TMEM135: variants seen among roughly 807,000 people sequenced by gnomAD.
TMEM135 encodes the protein transmembrane protein 135.
Under a neutral mutation model 60.3 loss-of-function variants are expected in TMEM135, and 30 were observed. That is an observed-to-expected ratio of 0.50 (90% CI 0.37 to 0.68). The LOEUF is 0.68. TMEM135 is among the 30% of genes least tolerant of loss of function. The pLI, the probability that TMEM135 is intolerant of heterozygous loss-of-function variation, is 0.00. For synonymous variants in TMEM135, 190 were observed against 186.7 expected, an observed-to-expected ratio of 1.02 and a Z score of -0.14; for missense variants, 468 against 548.8, an observed-to-expected ratio of 0.85 and a Z score of 1.47.
intron 5 of TMEM135, among the ~76,000 whole-genome samples, chr11:87,193,972 T>G (rs1939876042): frequency 6.6e-6 from 1 of 152,056 alleles, no homozygotes; most frequent in Admixed American, 6.6e-5. Flanking sequence ...TTATCTTTGC[T>G]TTTTTCACTT....
chr11:87,307,605 A>G (rs1942574284), intron 9 of TMEM135, among the ~76,000 whole-genome samples: 1 of 152,126 alleles, frequency 6.6e-6, no homozygotes, highest in African/African-American at 2.4e-5. Context: ...GCAATAAAAA[A>G]CTAGTGATTC....
intron 3 of TMEM135, among the ~76,000 whole-genome samples, chr11:87,076,518 G>GTTGCT (rs926339889): frequency 1.3e-5 from 2 of 152,228 alleles, no homozygotes; most frequent in African/African-American, 4.8e-5. Context: ...GAGCCTGCTT[G>GTTGCT]TTGCTTTACC....
At chr11:87,179,907 T>C (rs554206809) in intron 5 of TMEM135, among the ~76,000 whole-genome samples, 2 of 152,140 alleles carry the variant, frequency 1.3e-5, no homozygotes, top group South Asian at 4.1e-4. Context: ...CCTGGAGATA[T>C]GACTGATACT....
chr11:87,129,538 T>C (rs1213644279), intron 4 of TMEM135, among the ~76,000 whole-genome samples: 3 of 107,702 alleles, frequency 2.8e-5, no homozygotes, highest in African/African-American at 4.0e-5. Flanking sequence ...CCACCATGCT[T>C]GGCCAATTTT....
chr11:87,188,212 C>T (rs1440717557), intron 5 of TMEM135, among the ~76,000 whole-genome samples: 1 of 151,994 alleles, frequency 6.6e-6, no homozygotes, highest in African/African-American at 2.4e-5. Context: ...TGTTCATACG[C>T]CACCCCTCAA....
At position 87,324,008 on chromosome 11, in the gene TMEM135, C is replaced by T. The variant is rs1942873412; in HGVS notation, c.*2675C>T. ...AATTTAGAATTTTATATTTTTTTGG[C>T]TCTCAGATTTTATAATGAACTTTTA... On this transcript the variant is annotated 3_prime_UTR_variant, in exon 15 of 15. Coordinates refer to ENST00000305494, the MANE Select transcript of TMEM135 (RefSeq NM_022918.4). The T allele has an allele frequency of 2.2e-6, 1 of 453,482 alleles. No homozygotes were observed. The highest frequency in any genetic ancestry group is 4.4e-6 in the Non-Finnish European group (1 of 226,686). The allele number at this position is 453,482 out of a possible 1,614,324, so 28.1% of individuals were successfully genotyped here. A position where few individuals can be genotyped will look rare whatever the true frequency, so the allele number is the denominator to read the frequency against.
Position 87,309,661 on chromosome 11 carries a change from A to G in TMEM135, c.925A>G (p.Ser309Gly), listed in dbSNP as rs770943447. ...TGGAGCTTTTCTTGGCTCTTTTGTT[A>G]GTATATACAAGGTAAGGCTTTTAGA... ...QLGAFLGSFV[S>G]IYKGTSCFLR... Residue 309 changes from serine to glycine, a missense_variant, in exon 10 of 15, where the codon AGT becomes GGT. Ser to Gly is a moderately conservative substitution (Grantham distance 56). Coordinates refer to ENST00000305494, the MANE Select transcript of TMEM135 (RefSeq NM_022918.4). The G allele has an allele frequency of 1.2e-6, 2 of 1,613,398 alleles. No homozygotes were observed. The highest frequency in any genetic ancestry group is 1.7e-6 in the Non-Finnish European group (2 of 1,179,602).
At chr11:87,229,997 A>G (rs1297123077) in intron 5 of TMEM135, among the ~76,000 whole-genome samples, 2 of 152,030 alleles carry the variant, frequency 1.3e-5, no homozygotes, top group African/African-American at 4.8e-5. Context: ...GGGTTTTTCA[A>G]ATATTTACTG....
intron 1 of TMEM135, among the ~76,000 whole-genome samples, chr11:87,056,696 C>T (rs11234936): frequency 4.6e-5 from 7 of 152,134 alleles, no homozygotes; most frequent in Non-Finnish European, 7.4e-5. Flanking sequence ...CAAGTAGTTA[C>T]TGTTATCTGT....
chr11:87,293,411 C>G (rs990456794), intron 6 of TMEM135, among the ~76,000 whole-genome samples: 1 of 141,608 alleles, frequency 7.1e-6, no homozygotes, highest in African/African-American at 2.7e-5. Flanking sequence ...CAACAAAAAA[C>G]GAGATACATG....
chr11:87,163,486 T>C (rs981696373), intron 5 of TMEM135, among the ~76,000 whole-genome samples: 23 of 151,546 alleles, frequency 1.5e-4, no homozygotes, highest in Middle Eastern at 3.4e-3. Flanking sequence ...TGAATAATGC[T>C]GCAATAAACA....
chr11:87,226,487 C>T (rs573136381), intron 5 of TMEM135, among the ~76,000 whole-genome samples: 22 of 152,036 alleles, frequency 1.4e-4, no homozygotes, highest in African/African-American at 2.9e-4. Flanking sequence ...AATCTGTCAG[C>T]GGAATTAGAA....
rs2512338 is a variant in TMEM135 at position 87,129,676 on chromosome 11, A to C, written c.397-27665A>C. ...GTGCCTCAGTTTCTTGAGTAGCTGG[A>C]GTTATAGGCCTGTGCCCCCACACCT... On this transcript the variant is annotated intron_variant, in intron 4 of 14. Coordinates refer to ENST00000305494, the MANE Select transcript of TMEM135 (RefSeq NM_022918.4). Among the ~76,000 whole-genome samples the C allele has an allele frequency of 2.7e-5, 4 of 150,266 alleles. No individual in the cohort carries two copies. In the South Asian group the frequency reaches 8.4e-4, roughly 32 times the overall value.
intron 1 of TMEM135, among the ~76,000 whole-genome samples, chr11:87,044,620 C>G (rs1240266758): frequency 2.0e-5 from 3 of 151,974 alleles, no homozygotes; most frequent in Middle Eastern, 3.2e-3. Flanking sequence ...TACATAATTT[C>G]TTATTATCTC....
At chr11:87,304,579 A>G (rs1336886316) in intron 8 of TMEM135, among the ~76,000 whole-genome samples, 1 of 152,176 alleles carries the variant, frequency 6.6e-6, no homozygotes, top group Admixed American at 6.5e-5. Flanking sequence ...TAGCATTCTA[A>G]AGATATAAGG....
chr11:87,143,625 C>G (rs960551714), intron 4 of TMEM135, among the ~76,000 whole-genome samples: 12 of 152,084 alleles, frequency 7.9e-5, no homozygotes, highest in East Asian at 7.7e-4. Flanking sequence ...GGTGTAGAAC[C>G]CTTTCTAGTT....
At chr11:87,304,348 C>G (rs767808905) in intron 8 of TMEM135, among the ~76,000 whole-genome samples, 2 of 152,022 alleles carry the variant, frequency 1.3e-5, no homozygotes, top group Non-Finnish European at 2.9e-5. Flanking sequence ...CCAATGCACT[C>G]CAGCTTGGGT....
At chr11:87,160,856 T>C (rs1305891607) in intron 5 of TMEM135, among the ~76,000 whole-genome samples, 1 of 152,140 alleles carries the variant, frequency 6.6e-6, no homozygotes, top group East Asian at 1.9e-4. Flanking sequence ...TGGACCTTTG[T>C]GCATTAATTG....
intron 4 of TMEM135, among the ~76,000 whole-genome samples, chr11:87,136,430 A>G (rs1938102276): frequency 6.6e-6 from 1 of 152,058 alleles, no homozygotes; most frequent in Non-Finnish European, 1.5e-5. Context: ...ATTTATAACT[A>G]TGCCCGTGGG....
Sources: allele counts gnomAD v4.1 joint callset (sites outside exome capture counted in the v4.1 genomes callset), GRCh38; gene constraint gnomAD v4.1.1; transcripts MANE v1.5; gene names NCBI Gene and HGNC (gene_info 2026-07-23, HGNC 2026-07-21).